KAT6A: variants seen among roughly 807,000 people sequenced by gnomAD.
KAT6A encodes lysine acetyltransferase 6A.
KAT6A carries 9 observed loss-of-function variants against 198.4 expected under a neutral mutation model. That is an observed-to-expected ratio of 0.05 (90% CI 0.03 to 0.08). KAT6A has a LOEUF of 0.08. KAT6A is among the 10% of genes least tolerant of loss of function. The pLI is 1.00. For missense variants in KAT6A, 2,077 were observed against 2,509.9 expected (o/e 0.83, Z 3.69); for synonymous variants, 890 against 883.0 (o/e 1.01, Z -0.14).
chr8:41,945,213 T>C (rs1339738611), intron 12 of KAT6A, among the ~76,000 whole-genome samples: 3 of 151,048 alleles, frequency 2.0e-5, no homozygotes, highest in Non-Finnish European at 3.0e-5. Flanking sequence ...AGAGCCTAAC[T>C]AAAAAAAATG....
At position 41,932,279 on chromosome 8, in the gene KAT6A, G is replaced by A. The variant is rs770257551; in HGVS notation, c.5941C>T (p.Pro1981Ser). 3 of 1,614,110 alleles carry A rather than the reference G, an allele frequency of 1.9e-6. No individual in the cohort carries two copies. In the South Asian group the frequency reaches 3.3e-5, roughly 18 times the overall value. The part of the protein sequence containing the change: ...NPHGNMMYTG[P>S]SHHSYMNAAG... ...GCGTTCATGTAGCTGTGATGGGAGG[G>A]GCCTGTGTACATCATGTTCCCATGA... The change falls in exon 17 of 17, where the codon CCC becomes TCC. Residue 1981 changes from proline to serine, a missense_variant. Physicochemically the swap from Pro to Ser is moderately conservative, Grantham distance 74. Around this residue, in one of 13 missense-constraint regions of KAT6A, gnomAD observed 500 missense variants for 577.2 expected, o/e 0.87. Coordinates refer to ENST00000265713, the MANE Select transcript of KAT6A (RefSeq NM_006766.5).
In KAT6A at chr8:41,937,404, A is replaced by T. The variant is rs746808579; in HGVS notation, c.3204T>A (p.Asp1068Glu). 6.2e-7 allele frequency: 1 copy of T among 1,614,060 alleles called. No individual in the cohort carries two copies. Among genetic ancestry groups the T allele is most frequent in the Non-Finnish European group, 8.5e-7 (1 of 1,179,972 alleles). Reference sequence around the variant, plus strand: ...TTTCATCCTCTTCCTCCTCTTCTTCATCGATCTCAAACGTGGGTTCTAATC... The same window carrying T: ...TTTCATCCTCTTCCTCCTCTTCTTCTTCGATCTCAAACGTGGGTTCTAATC... ...MPRLEPTFEI[D>E]EEEEEEDENE... The change falls in exon 16 of 17, where the codon GAT becomes GAA. Residue 1068 changes from aspartate to glutamate, a missense_variant. Transcript: ENST00000265713.
At chr8:42,033,169 G>T (rs1421806375) in intron 2 of KAT6A, among the ~76,000 whole-genome samples, 2 of 151,982 alleles carry the variant, frequency 1.3e-5, no homozygotes, top group Non-Finnish European at 2.9e-5. Flanking sequence ...CACTGTGCCT[G>T]GCCAAACCTT....
intron 2 of KAT6A, among the ~76,000 whole-genome samples, chr8:42,033,492 A>G (rs1426135796): frequency 6.6e-6 from 1 of 152,204 alleles, no homozygotes; most frequent in Non-Finnish European, 1.5e-5. Flanking sequence ...TATCCAATTA[A>G]ACAGTTACTA....
At position 42,048,385 on chromosome 8, in the gene KAT6A, T is replaced by C. The variant is rs200651017; in HGVS notation, c.593A>G (p.Lys198Arg). 3.8e-4 allele frequency: 617 copies of C among 1,613,520 alleles called. 2 individuals are homozygous for C. The highest frequency in any genetic ancestry group is 5.1e-4 in the Non-Finnish European group (602 of 1,179,566). ...AGCATATGCCATTCTTACCTTATCCTTTTCATGTGGAAGAAGGGACACTGG... is the reference window on the plus strand; with the variant it reads ...AGCATATGCCATTCTTACCTTATCCCTTTCATGTGGAAGAAGGGACACTGG... ...LPPVSLLPHEKDKPVAEPIPI... is the reference protein window; with the variant it reads ...LPPVSLLPHERDKPVAEPIPI... Residue 198 changes from lysine to arginine, a missense_variant, in exon 2 of 17, where the codon AAG (lysine) becomes AGG (arginine). Physicochemically the swap from Lys to Arg is conservative, Grantham distance 26. Transcript: ENST00000265713.
At chr8:41,976,033 T>C (rs567074002) in intron 7 of KAT6A, among the ~76,000 whole-genome samples, 2 of 152,326 alleles carry the variant, frequency 1.3e-5, no homozygotes, top group South Asian at 2.1e-4. Flanking sequence ...GAGTAATTAG[T>C]TGATCATCAC....
At chr8:41,968,201 G>A (rs1312594703) in intron 8 of KAT6A, among the ~76,000 whole-genome samples, 1 of 152,034 alleles carries the variant, frequency 6.6e-6, no homozygotes, top group African/African-American at 2.4e-5. Flanking sequence ...CACAAAATGG[G>A]ACAAAATTTT....
intron 8 of KAT6A, among the ~76,000 whole-genome samples, chr8:41,963,951 T>C (rs1022250022): frequency 2.0e-5 from 3 of 152,152 alleles, no homozygotes; most frequent in African/African-American, 4.8e-5. Flanking sequence ...TCTTCTCCAA[T>C]AGTAAACTTA....
At chr8:41,973,877 G>A (rs1251136404) in intron 8 of KAT6A, among the ~76,000 whole-genome samples, 3 of 151,944 alleles carry the variant, frequency 2.0e-5, no homozygotes, top group African/African-American at 7.3e-5. Context: ...ACCTCCCCAG[G>A]CAGAAGTAGA....
intron 6 of KAT6A, chr8:41,977,547 C>T (rs1023894853): frequency 1.4e-5 from 6 of 432,436 alleles, no homozygotes; most frequent in African/African-American, 1.0e-4. Context: ...CAAAGAATGA[C>T]AGGCCAGGAG....
chr8:41,939,070 T>C (rs543230192), intron 15 of KAT6A, among the ~76,000 whole-genome samples: 21 of 152,062 alleles, frequency 1.4e-4, no homozygotes, highest in South Asian at 1.2e-3. Flanking sequence ...AGCAGTAGTA[T>C]TGGATTATAA....
chr8:41,996,657 T>G (rs1260536369), intron 2 of KAT6A, among the ~76,000 whole-genome samples: 1 of 152,128 alleles, frequency 6.6e-6, no homozygotes, highest in Non-Finnish European at 1.5e-5. Context: ...CCTTTTCCTC[T>G]CTGTCTTGCG....
intron 8 of KAT6A, among the ~76,000 whole-genome samples, chr8:41,970,192 A>T (rs1174970581): frequency 6.6e-6 from 1 of 152,210 alleles, no homozygotes; most frequent in Non-Finnish European, 1.5e-5. Context: ...CAGGTGCATG[A>T]TGCTAAATGA....
At chr8:41,975,829 G>A (rs1277778932) in intron 7 of KAT6A, among the ~76,000 whole-genome samples, 1 of 152,124 alleles carries the variant, frequency 6.6e-6, no homozygotes, top group East Asian at 1.9e-4. Flanking sequence ...TATTTCAAAA[G>A]CTTTCTAGTA....
At chr8:42,047,437 G>C (rs1008574871) in intron 2 of KAT6A, among the ~76,000 whole-genome samples, 2 of 152,024 alleles carry the variant, frequency 1.3e-5, no homozygotes, top group Non-Finnish European at 2.9e-5. Flanking sequence ...TTTGTTTTTA[G>C]AACAGGGTCT....
At chr8:41,944,481 C>G (rs1822284151) in intron 12 of KAT6A, among the ~76,000 whole-genome samples, 1 of 152,190 alleles carries the variant, frequency 6.6e-6, no homozygotes, top group African/African-American at 2.4e-5. Flanking sequence ...GCAAGCAGGA[C>G]TGCCAATATA....
chr8:42,005,415 G>T (rs1825688866), intron 2 of KAT6A, among the ~76,000 whole-genome samples: 2 of 152,168 alleles, frequency 1.3e-5, no homozygotes, highest in South Asian at 4.1e-4. Context: ...CAAAAGAAAA[G>T]CCAGTGTGAT....
chr8:41,939,417 G>A (rs1461273860), intron 15 of KAT6A, among the ~76,000 whole-genome samples: 1 of 152,106 alleles, frequency 6.6e-6, no homozygotes, highest in Non-Finnish European at 1.5e-5. Context: ...ACGCAGGTTG[G>A]ACTACAGTGG....
chr8:41,947,937 A>T (rs546765139), intron 10 of KAT6A, 25 bp from the exon 11 acceptor site: 1 of 1,553,402 alleles, frequency 6.4e-7, no homozygotes, highest in South Asian at 1.2e-5. Flanking sequence ...AGAACAAAAC[A>T]GTCAGTAGAG....
Sources: gnomAD v4.1 joint callset for allele counts (sites outside exome capture counted in the v4.1 genomes callset) on GRCh38, gnomAD v4.1.1 for gene constraint, gnomAD v4.1.1 regional missense constraint, MANE v1.5 for transcripts, NCBI Gene and HGNC (gene_info 2026-07-23, HGNC 2026-07-21) for gene names.